The following CMSS1 variants were observed in gnomAD, a reference collection of about 807,000 sequenced individuals.
The protein encoded by CMSS1 is cms1 ribosomal small subunit homolog.
A neutral mutation model predicts 43.5 loss-of-function variants in CMSS1; 33 were observed. The observed-to-expected ratio is 0.76, with a 90% CI of 0.57 to 1.01. The LOEUF is 1.01. CMSS1 is among the 50% of genes least tolerant of loss of function. The pLI is 0.00. For synonymous variants in CMSS1, 115 were observed against 117.2 expected (o/e 0.98, Z 0.12); for missense variants, 313 against 326.4 (o/e 0.96, Z 0.32).
In CMSS1 at chr3:99,863,418, T is replaced by A. The variant is rs945123625; in HGVS notation, c.64+45375T>A. On this transcript the variant is annotated intron_variant, in intron 1 of 9. Coordinates refer to ENST00000421999, the MANE Select transcript of CMSS1 (RefSeq NM_032359.4). ...TGTACGTGGGGACTCAAAGTCTGGG[T>A]GGGTTGACTGGGTTAGTACACTGTA... 2.0e-5 allele frequency among the ~76,000 whole-genome samples: 3 copies of A among 152,110 alleles called. No individual in the cohort carries two copies. In the South Asian group the frequency reaches 6.2e-4, roughly 31 times the overall value.
At chr3:100,126,842 C>CA (rs1468220180) in intron 1 of CMSS1, among the ~76,000 whole-genome samples, 3 of 152,010 alleles carry the variant, frequency 2.0e-5, no homozygotes, top group African/African-American at 7.2e-5. Flanking sequence ...ACTAAAAATA[C>CA]AAAAAATTAG....
chr3:100,173,591 T>C (rs1387314560), intron 8 of CMSS1, among the ~76,000 whole-genome samples: 1 of 151,634 alleles, frequency 6.6e-6, no homozygotes, highest in Admixed American at 6.6e-5. Flanking sequence ...CCTACAAGAG[T>C]TGAAATGAGA....
At chr3:99,869,649 G>A (rs1465994871) in intron 1 of CMSS1, among the ~76,000 whole-genome samples, 1 of 152,120 alleles carries the variant, frequency 6.6e-6, no homozygotes, top group Admixed American at 6.5e-5. Flanking sequence ...TCCTGGACCA[G>A]GCAACTCCTT....
chr3:100,006,668 A>G (rs1709996546), intron 1 of CMSS1, among the ~76,000 whole-genome samples: 1 of 152,094 alleles, frequency 6.6e-6, no homozygotes, highest in Non-Finnish European at 1.5e-5. Flanking sequence ...AAAAAAAAAA[A>G]AATTCCAGCT....
At chr3:99,865,115 T>C (rs1461453344) in intron 1 of CMSS1, among the ~76,000 whole-genome samples, 3 of 152,334 alleles carry the variant, frequency 2.0e-5, no homozygotes, top group African/African-American at 7.2e-5. Flanking sequence ...CCCTCCTCTC[T>C]ATAGTCTAGG....
chr3:100,117,405 AG>A (rs2066579991), intron 1 of CMSS1, among the ~76,000 whole-genome samples: 1 of 152,144 alleles, frequency 6.6e-6, no homozygotes, highest in Admixed American at 6.5e-5. Context: ...CATTTAGTTT[AG>A]TCTGACTTCC....
chr3:99,866,034 C>G (rs1395256603), intron 1 of CMSS1, among the ~76,000 whole-genome samples: 3 of 151,978 alleles, frequency 2.0e-5, no homozygotes, highest in African/African-American at 7.3e-5. Flanking sequence ...TAATATGATT[C>G]CTTCTCTTAA....
At chr3:100,173,751 G>T (rs539563885) in intron 8 of CMSS1, among the ~76,000 whole-genome samples, 1 of 152,284 alleles carries the variant, frequency 6.6e-6, no homozygotes, top group South Asian at 2.1e-4. Context: ...GCAGGCACAT[G>T]CACATGGTAT....
At chr3:100,132,492 T>C (rs2066716660) in intron 1 of CMSS1, among the ~76,000 whole-genome samples, 1 of 152,056 alleles carries the variant, frequency 6.6e-6, no homozygotes, top group African/African-American at 2.4e-5. Flanking sequence ...AAACTTTCCT[T>C]GACAAATGAA....
chr3:99,972,066 A>G (rs1708838736), intron 1 of CMSS1, among the ~76,000 whole-genome samples: 2 of 152,236 alleles, frequency 1.3e-5, no homozygotes, highest in African/African-American at 4.8e-5. Context: ...TAAGTGAATC[A>G]GTACGAATAT....
chr3:99,848,040 C>T, intron 1 of CMSS1: 6 of 1,221,894 alleles, frequency 4.9e-6, no homozygotes, highest in Non-Finnish European at 6.1e-6. Flanking sequence ...TGTATTTATA[C>T]AAGTGCAGAC....
chr3:99,893,390 C>T (rs990653212), intron 1 of CMSS1, among the ~76,000 whole-genome samples: 2 of 152,138 alleles, frequency 1.3e-5, no homozygotes, highest in Non-Finnish European at 2.9e-5. Context: ...TGGTCTCGAT[C>T]TCCTGACCTC....
intron 1 of CMSS1, among the ~76,000 whole-genome samples, chr3:100,134,341 C>T (rs188423397): frequency 6.6e-6 from 1 of 152,242 alleles, no homozygotes; most frequent in African/African-American, 2.4e-5. Flanking sequence ...CATCAATCCA[C>T]AATTAAGAAA....
At chr3:100,165,443 T>G (rs1044095115) in intron 4 of CMSS1, among the ~76,000 whole-genome samples, 2 of 152,060 alleles carry the variant, frequency 1.3e-5, no homozygotes. Flanking sequence ...TATATATATA[T>G]TCTTATAAAA....
chr3:99,966,036 C>G (rs1472973356), intron 1 of CMSS1, among the ~76,000 whole-genome samples: 1 of 152,168 alleles, frequency 6.6e-6, no homozygotes, highest in East Asian at 1.9e-4. Context: ...GAACCTAGTG[C>G]CTTCCCTGCT....
At chr3:99,986,512 C>T (rs1465508175) in intron 1 of CMSS1, among the ~76,000 whole-genome samples, 1 of 152,024 alleles carries the variant, frequency 6.6e-6, no homozygotes, top group Non-Finnish European at 1.5e-5. Context: ...TAGACGAGAA[C>T]AGGAGTTACA....
At chr3:100,051,910 G>A (rs1034908893) in intron 1 of CMSS1, among the ~76,000 whole-genome samples, 2 of 148,018 alleles carry the variant, frequency 1.4e-5, no homozygotes, top group African/African-American at 4.9e-5. Context: ...TTATTAATAT[G>A]TGTTATTAAA....
intron 1 of CMSS1, among the ~76,000 whole-genome samples, chr3:99,904,826 C>G (rs1455509219): frequency 2.0e-5 from 3 of 152,170 alleles, no homozygotes; most frequent in Admixed American, 2.0e-4. Flanking sequence ...TTCACTGTTT[C>G]TACAAGTGAC....
At chr3:100,052,910 AT>A (rs1430341411) in intron 1 of CMSS1, among the ~76,000 whole-genome samples, 7 of 152,184 alleles carry the variant, frequency 4.6e-5, no homozygotes, top group Admixed American at 3.9e-4. Flanking sequence ...TTTCACAGGA[AT>A]TTTTAAAACC....
Sources: gnomAD v4.1 joint callset for allele counts (sites outside exome capture counted in the v4.1 genomes callset) on GRCh38, gnomAD v4.1.1 for gene constraint, MANE v1.5 for transcripts, NCBI Gene and HGNC (gene_info 2026-07-23, HGNC 2026-07-21) for gene names.